Variants in KCNQ2 observed in about 807,000 individuals in gnomAD.
The protein encoded by KCNQ2 is potassium voltage-gated channel subfamily Q member 2.
Under a neutral mutation model 84.8 loss-of-function variants are expected in KCNQ2, and 14 were observed. That is an observed-to-expected ratio of 0.17 (90% CI 0.11 to 0.26). The LOEUF is 0.26. KCNQ2 is among the 10% of genes least tolerant of loss of function. The probability of loss-of-function intolerance (pLI) is 1.00; values close to 1 mark genes in which losing one functional copy is unlikely to be tolerated. For missense variants in KCNQ2, 788 were observed against 1,254.0 expected, an observed-to-expected ratio of 0.63 and a Z score of 5.61; for synonymous variants, 599 against 554.1, an observed-to-expected ratio of 1.08 and a Z score of -1.14.
intron 7 of KCNQ2, among the ~76,000 whole-genome samples, chr20:63,435,344 C>T (rs1434197461): frequency 6.8e-6 from 1 of 147,912 alleles, no homozygotes; most frequent in Non-Finnish European, 1.5e-5. Flanking sequence ...GCCAAGATCA[C>T]ACAACTGCAC....
At chr20:63,434,006 G>C (rs2080912673) in intron 7 of KCNQ2, 103 bp from the exon 8 acceptor site, 1 of 955,530 alleles carries the variant, frequency 1.0e-6, no homozygotes, top group Non-Finnish European at 1.6e-6. Context: ...CCCCCATGCT[G>C]TAGGCCAGGC....
chr20:63,408,935 C>T lies in KCNQ2; in HGVS notation c.1764-399G>A, dbSNP rs1273702301. Among the ~76,000 whole-genome samples the T allele has an allele frequency of 6.6e-6, 1 of 152,236 alleles. No individual in the cohort carries two copies. Among genetic ancestry groups the T allele is most frequent in the African/African-American group, 2.4e-5 (1 of 41,460 alleles). On this transcript the variant is annotated intron_variant, in intron 15 of 16. Transcript: ENST00000359125. This position sits in a 1 kb window ranked among gnomAD's most constrained non-coding sequence, Gnocchi z 5.0. Reference sequence around the variant, plus strand: ...ACAGCCCACGGAGGGTCTCCCACTGCAGGGCCTGGAGCCCACTCCAGAGGA... The same window carrying T: ...ACAGCCCACGGAGGGTCTCCCACTGTAGGGCCTGGAGCCCACTCCAGAGGA...
At chr20:63,458,296 GC>G (rs1475915676) in intron 1 of KCNQ2, among the ~76,000 whole-genome samples, 1 of 152,018 alleles carries the variant, frequency 6.6e-6, no homozygotes, top group Non-Finnish European at 1.5e-5. Context: ...GCATAGGCGA[GC>G]CCCAGGCCCT....
In KCNQ2 at chr20:63,442,735, C is replaced by CA. The variant is rs1568934111; in HGVS notation, c.691-205_691-204insT. Among the ~76,000 whole-genome samples, 6,851 of 34,886 alleles carry CA rather than the reference C, an allele frequency of 0.2. 912 individuals carry two copies. The highest frequency in any genetic ancestry group is 0.24 in the Non-Finnish European group (4,571 of 18,784). The allele number at this position is 34,886 out of a possible 152,430, so 22.9% of individuals were successfully genotyped here. On this transcript the variant is annotated intron_variant, in intron 4 of 16. Transcript: ENST00000359125. ...CCACCACCACCACCATCATCACCAC[C>CA]TCCACCATCACCACCATCACCATCA...
Position 63,446,828 on chromosome 20 carries a change from C to G in KCNQ2, c.306G>C (p.Leu102=), listed in dbSNP as rs1188736335. The change falls in exon 2 of 17, where the codon CTG becomes CTC. Residue 102 remains leucine (L), a synonymous_variant. Transcript: ENST00000359125. The surrounding 1 kb of genome is among the most constrained non-coding windows in gnomAD (Gnocchi z 5.5). Reference sequence around the variant, plus strand: ...CAGACAGCACGAGGCAGGAGAAAACCAGGAGGAACCTGGGGGCAGGGAACG... The same window carrying G: ...CAGACAGCACGAGGCAGGAGAAAACGAGGAGGAACCTGGGGGCAGGGAACG... ...AFIYHAYVFL[L]VFSCLVLSVF... 3 of 1,613,510 alleles carry G rather than the reference C, an allele frequency of 1.9e-6. No individual in the cohort carries two copies. Among genetic ancestry groups the G allele is most frequent in the Middle Eastern group, 1.6e-4 (1 of 6,062 alleles).
chr20:63,426,893 C>T (rs979811887), intron 10 of KCNQ2, among the ~76,000 whole-genome samples: 7 of 152,172 alleles, frequency 4.6e-5, no homozygotes, highest in African/African-American at 1.4e-4. Flanking sequence ...CATCCAAATC[C>T]CATCAGTTCA....
rs537896596 is a variant in KCNQ2 at position 63,415,287 on chromosome 20, C to T, written c.1302-161G>A. Reference sequence around the variant, plus strand: ...CACACGGGTGGCTCAGAGCAGGTGCCACGGGGACCGAGCACCCGGCGGGAG... The same window carrying T: ...CACACGGGTGGCTCAGAGCAGGTGCTACGGGGACCGAGCACCCGGCGGGAG... On this transcript the variant is annotated intron_variant, in intron 12 of 16. Transcript: ENST00000359125. Among the ~76,000 whole-genome samples the T allele has an allele frequency of 1.5e-4, 23 of 151,184 alleles. No homozygotes were observed. The East Asian group carries it at 4.5e-3, about 30-fold the overall frequency.
intron 1 of KCNQ2, among the ~76,000 whole-genome samples, chr20:63,456,757 C>T (rs527479953): frequency 5.3e-5 from 8 of 152,296 alleles, no homozygotes; most frequent in South Asian, 4.1e-4. Flanking sequence ...GCTGGCTGCA[C>T]GGCCCCCACC....
chr20:63,449,897 G>A (rs2081555812), intron 1 of KCNQ2, among the ~76,000 whole-genome samples: 1 of 151,986 alleles, frequency 6.6e-6, no homozygotes, highest in African/African-American at 2.4e-5. Context: ...ACTGGGTGGT[G>A]GCAGCAATTG....
chr20:63,440,215 GC>G (rs1421555838), intron 5 of KCNQ2, among the ~76,000 whole-genome samples: 10 of 152,164 alleles, frequency 6.6e-5, no homozygotes, highest in African/African-American at 2.4e-4. Context: ...TGCTCCTGGA[GC>G]AGGGACCCCA....
chr20:63,439,812 G>T (rs2145720312), intron 5 of KCNQ2, 104 bp from the exon 6 acceptor site: 2 of 842,226 alleles, frequency 2.4e-6, no homozygotes, highest in South Asian at 2.7e-5. Flanking sequence ...ACAGATGCGG[G>T]GCCACCCCCG....
chr20:63,406,709 G>C lies in KCNQ2; in HGVS notation c.2554C>G (p.Pro852Ala), dbSNP rs1270720885. 1 of 1,604,374 alleles carries C rather than the reference G, an allele frequency of 6.2e-7. No individual in the cohort carries two copies. Among genetic ancestry groups the C allele is most frequent in the East Asian group, 2.2e-5 (1 of 44,492 alleles). The change falls in exon 17 of 17, where the codon CCG becomes GCG. Residue 852 changes from proline to alanine, a missense_variant. Coordinates refer to ENST00000359125, the MANE Select transcript of KCNQ2 (RefSeq NM_172107.4). ...CCCTCGCCGGTGGCCGAGCGTGGCG[G>C]GGGCCCGCACGGGGTACAGAGGTCG... ...DSDLCTPCGP[P>A]PRSATGEGPF...
chr20:63,440,347 G>C (rs964298753), intron 5 of KCNQ2, among the ~76,000 whole-genome samples: 3 of 152,146 alleles, frequency 2.0e-5, no homozygotes, highest in Non-Finnish European at 2.9e-5. Flanking sequence ...GAGGGGAAGC[G>C]AAGGACGGAC....
At position 63,411,382 on chromosome 20, in the gene KCNQ2, G is replaced by A. The variant is rs2080116161; in HGVS notation, c.1763+2068C>T. Among the ~76,000 whole-genome samples, 3 of 152,328 alleles carry A rather than the reference G, an allele frequency of 2.0e-5. No homozygotes were observed. The South Asian group carries it at 6.2e-4, about 32-fold the overall frequency. On this transcript the variant is annotated intron_variant, in intron 15 of 16. Coordinates refer to ENST00000359125, the MANE Select transcript of KCNQ2 (RefSeq NM_172107.4). The stretch of plus-strand genomic sequence containing the variant: ...GGTCAGTGCCTGGGGAGGCTGGAGA[G>A]CCCTCAGCCAGGAGGGGCCTGTCCA...
At chr20:63,469,139 G>GC (rs2082149453) in intron 1 of KCNQ2, among the ~76,000 whole-genome samples, 1 of 152,216 alleles carries the variant, frequency 6.6e-6, no homozygotes. Flanking sequence ...AGAGGCTGGA[G>GC]CCCGGGATTC....
chr20:63,432,736 TCAGGGAAGGCTCCACCCA>T lies in KCNQ2; in HGVS notation c.1118+1055_1118+1072del, dbSNP rs1568914318. 8.2e-4 allele frequency among the ~76,000 whole-genome samples: 74 copies of T among 90,496 alleles called. 2 individuals are homozygous for T. The highest frequency in any genetic ancestry group is 4.2e-4 in the Non-Finnish European group (17 of 40,448). The allele number at this position is 90,496 out of a possible 152,430, so 59.4% of individuals were successfully genotyped here. On this transcript the variant is annotated intron_variant, in intron 8 of 16. Transcript: ENST00000359125. ...CCCACCCTCAGGGAAGGCTCCACCCTCAGGGAAGGCTCCACCCACAGGGAAGGCTCCACCCTCAGGGAA... is the reference window on the plus strand; with the variant it reads ...CCCACCCTCAGGGAAGGCTCCACCCTCAGGGAAGGCTCCACCCTCAGGGAA...
At position 63,438,766 on chromosome 20, in the gene KCNQ2, C is replaced by A. The variant is rs745752910; in HGVS notation, c.928-46G>T. 8 of 1,551,256 alleles carry A rather than the reference C, an allele frequency of 5.2e-6. 1 individual carries two copies. In the South Asian group the frequency reaches 5.6e-5, roughly 11 times the overall value. On this transcript the variant is annotated intron_variant, in intron 6 of 16. Coordinates refer to ENST00000359125, the MANE Select transcript of KCNQ2 (RefSeq NM_172107.4). This position sits in a 1 kb window ranked among gnomAD's most constrained non-coding sequence, Gnocchi z 5.1. Reference sequence around the variant, plus strand: ...GTCACACCCCAGGGACCCCCCACACCCCAATTCATCAGGGTCAGACCATGC... The same window carrying A: ...GTCACACCCCAGGGACCCCCCACACACCAATTCATCAGGGTCAGACCATGC...
chr20:63,408,134 C>T lies in KCNQ2; in HGVS notation c.1887+279G>A. The stretch of plus-strand genomic sequence containing the variant: ...CTTCCGGCACGTTCCACAAGGAACC[C>T]CTGAGGGATCCACCTCTCAGCAGCC... On this transcript the variant is annotated intron_variant, in intron 16 of 16. Transcript: ENST00000359125. The surrounding 1 kb of genome is among the most constrained non-coding windows in gnomAD (Gnocchi z 5.0). The T allele has an allele frequency of 4.2e-6, 2 of 478,688 alleles. No individual in the cohort carries two copies. The highest frequency in any genetic ancestry group is 7.7e-6 in the Non-Finnish European group (2 of 259,318). 29.7% of individuals were successfully genotyped at this position (478,688 alleles called of 1,614,324 possible).
At chr20:63,447,078 G>A (rs146360374) in intron 1 of KCNQ2, among the ~76,000 whole-genome samples, 1 of 150,254 alleles carries the variant, frequency 6.7e-6, no homozygotes, top group African/African-American at 2.5e-5. Flanking sequence ...CCCTCTATGC[G>A]CAGCTGCCCC....
Sources: allele counts gnomAD v4.1 joint callset (sites outside exome capture counted in the v4.1 genomes callset), GRCh38; gene constraint gnomAD v4.1.1; non-coding constraint Gnocchi (gnomAD v3.1); transcripts MANE v1.5; gene names NCBI Gene and HGNC (gene_info 2026-07-23, HGNC 2026-07-21).